DDHD1: variants seen among roughly 807,000 people sequenced by gnomAD.
The protein encoded by DDHD1 is phospholipase DDHD1.
In DDHD1, 49 loss-of-function variants were observed where a neutral mutation model predicts 96.4. The ratio of observed to expected loss-of-function variants is 0.51; its 90% CI spans 0.40 to 0.64. DDHD1 has a LOEUF of 0.64. DDHD1 is among the 30% of genes least tolerant of loss of function. The pLI, the probability that DDHD1 is intolerant of heterozygous loss-of-function variation, is 0.00. For synonymous variants in DDHD1, 442 were observed against 446.5 expected (o/e 0.99, Z 0.13); for missense variants, 1,106 against 1,161.2 (o/e 0.95, Z 0.69).
chr14:53,090,504 G>A (rs1886341286), intron 4 of DDHD1, among the ~76,000 whole-genome samples: 1 of 152,184 alleles, frequency 6.6e-6, no homozygotes, highest in African/African-American at 2.4e-5. Flanking sequence ...ACTGGATTAA[G>A]AAAATGTGAC....
intron 1 of DDHD1, 148 bp downstream of exon 1, chr14:53,152,113 G>GAAAGAGGTTGTGTAGAT: frequency 1.1e-5 from 9 of 833,740 alleles, no homozygotes; most frequent in South Asian, 7.8e-5. Context: ...AGCTGCCGAC[G>GAAAGAGGTTGTGTAGAT]CTCCCTGCTC....
chr14:53,051,685 T>G (rs1566514790), intron 12 of DDHD1, among the ~76,000 whole-genome samples, 159 bp downstream of exon 12: 1 of 151,868 alleles, frequency 6.6e-6, no homozygotes, highest in African/African-American at 2.4e-5. Context: ...CATTTAAGAC[T>G]AGAAAATATG....
chr14:53,107,436 C>T (rs188429518), intron 1 of DDHD1, among the ~76,000 whole-genome samples: 5 of 152,240 alleles, frequency 3.3e-5, no homozygotes, highest in Admixed American at 2.6e-4. Context: ...CCATCCTGGG[C>T]AGGATGGAGC....
chr14:53,083,031 C>T (rs970702396), intron 4 of DDHD1, among the ~76,000 whole-genome samples: 3 of 152,120 alleles, frequency 2.0e-5, no homozygotes, highest in African/African-American at 4.8e-5. Context: ...TGAGGGAAGA[C>T]GGGGAGAGAA....
intron 1 of DDHD1, among the ~76,000 whole-genome samples, chr14:53,122,181 G>A (rs909100912): frequency 4.6e-5 from 7 of 152,142 alleles, no homozygotes; most frequent in African/African-American, 1.2e-4. Flanking sequence ...TTTTGGCAGC[G>A]TCCAGGTGCT....
chr14:53,055,556 TA>T, intron 10 of DDHD1, 103 bp downstream of exon 10: 2 of 1,156,634 alleles, frequency 1.7e-6, no homozygotes, highest in Non-Finnish European at 2.5e-6. Flanking sequence ...ACACAGGGAT[TA>T]ACTGCTGGGA....
At chr14:53,104,523 G>C (rs186208437) in intron 1 of DDHD1, among the ~76,000 whole-genome samples, 1 of 152,106 alleles carries the variant, frequency 6.6e-6, no homozygotes, top group African/African-American at 2.4e-5. Context: ...TGGTAGTAGT[G>C]TGTGGCACTT....
intron 1 of DDHD1, among the ~76,000 whole-genome samples, chr14:53,127,658 T>C (rs944152132): frequency 2.0e-5 from 3 of 152,200 alleles, no homozygotes; most frequent in African/African-American, 4.8e-5. Flanking sequence ...CCTTATGCCA[T>C]GACAGCTGGA....
Position 53,046,720 on chromosome 14 carries a change from G to GA in DDHD1, c.*47_*48insT. 1.5e-6 allele frequency: 2 copies of GA among 1,330,574 alleles called. No individual in the cohort carries two copies. Among genetic ancestry groups the GA allele is most frequent in the Non-Finnish European group, 1.0e-6 (1 of 991,834 alleles). 82.4% of individuals were successfully genotyped at this position (1,330,574 alleles called of 1,614,324 possible). On this transcript the variant is annotated 3_prime_UTR_variant, in exon 13 of 13. Coordinates refer to ENST00000673822, the MANE Select transcript of DDHD1 (RefSeq NM_001160148.2). Reference sequence around the variant, plus strand: ...CGTATCTTGACACACACATTTTAACGGAAAAAAAAAAAATCAGTTTTAGGC... The same window carrying GA: ...CGTATCTTGACACACACATTTTAACGAGAAAAAAAAAAAATCAGTTTTAGGC...
chr14:53,113,359 T>C (rs1438025853), intron 1 of DDHD1, among the ~76,000 whole-genome samples: 9 of 146,540 alleles, frequency 6.1e-5, no homozygotes, highest in African/African-American at 2.3e-4. Context: ...CTTTTTTTTT[T>C]CTTTTTAAAA....
chr14:53,095,578 C>T (rs545390427), intron 2 of DDHD1, among the ~76,000 whole-genome samples: 1 of 152,242 alleles, frequency 6.6e-6, no homozygotes, highest in African/African-American at 2.4e-5. Flanking sequence ...TAACACTGTA[C>T]ACCAGATCAA....
intron 1 of DDHD1, among the ~76,000 whole-genome samples, chr14:53,104,573 T>C (rs1038582148): frequency 4.6e-5 from 7 of 152,080 alleles, no homozygotes; most frequent in Non-Finnish European, 7.4e-5. Context: ...CTAGTACATA[T>C]ACAGGATAAA....
chr14:53,133,951 T>C (rs947101484), intron 1 of DDHD1, among the ~76,000 whole-genome samples: 1 of 152,070 alleles, frequency 6.6e-6, no homozygotes, highest in Non-Finnish European at 1.5e-5. Flanking sequence ...CCCCATTGGG[T>C]TCACCATTCC....
Position 53,153,241 on chromosome 14 carries a change from C to T in DDHD1, c.-143G>A. The T allele has an allele frequency of 1.5e-6, 1 of 689,164 alleles. No individual in the cohort carries two copies. The highest frequency in any genetic ancestry group is 3.5e-5 in the East Asian group (1 of 28,732). 42.7% of individuals were successfully genotyped at this position (689,164 alleles called of 1,614,324 possible). A position where few individuals can be genotyped will look rare whatever the true frequency, so the allele number is the denominator to read the frequency against. Reference sequence around the variant, plus strand: ...ACCCGAGCTGCGGCGGCAGCGGCGACCGCTCCGCCCCCACGAGACCCGCAG... The same window carrying T: ...ACCCGAGCTGCGGCGGCAGCGGCGATCGCTCCGCCCCCACGAGACCCGCAG... On this transcript the variant is annotated 5_prime_UTR_variant, in exon 1 of 13. Coordinates refer to ENST00000673822, the MANE Select transcript of DDHD1 (RefSeq NM_001160148.2).
At chr14:53,087,995 C>T (rs1216702806) in intron 4 of DDHD1, among the ~76,000 whole-genome samples, 1 of 152,072 alleles carries the variant, frequency 6.6e-6, no homozygotes, top group Non-Finnish European at 1.5e-5. Context: ...CTACTGATCC[C>T]ACAGAAATAC....
chr14:53,090,645 G>A (rs569455864), intron 4 of DDHD1, among the ~76,000 whole-genome samples: 15 of 152,276 alleles, frequency 9.9e-5, no homozygotes, highest in Admixed American at 9.2e-4. Context: ...AACACCGTAT[G>A]TTCTCACTCA....
At chr14:53,092,672 G>A (rs1352787895) in intron 3 of DDHD1, 1 of 151,894 alleles carries the variant, frequency 6.6e-6, no homozygotes, top group East Asian at 1.9e-4. Context: ...AGGAGACTCC[G>A]TTTCTACAAA....
intron 2 of DDHD1, among the ~76,000 whole-genome samples, chr14:53,100,081 A>C (rs1887185561): frequency 1.3e-5 from 2 of 152,210 alleles, no homozygotes; most frequent in Non-Finnish European, 2.9e-5. Context: ...AAAACACAAA[A>C]ATAAAAAATA....
chr14:53,047,005 T>G, intron 12 of DDHD1, 56 bp from the exon 13 acceptor site: 3 of 1,367,208 alleles, frequency 2.2e-6, no homozygotes, highest in Non-Finnish European at 2.9e-6. Context: ...ATATGTTCTA[T>G]ATAGACTTAC....
Sources: gnomAD v4.1 joint callset for allele counts (sites outside exome capture counted in the v4.1 genomes callset) on GRCh38, gnomAD v4.1.1 for gene constraint, MANE v1.5 for transcripts, NCBI Gene and HGNC (gene_info 2026-07-23, HGNC 2026-07-21) for gene names.